Variants in HMGCLL1 observed in about 807,000 individuals in gnomAD.
HMGCLL1 encodes the protein 3-hydroxy-3-methylglutaryl-CoA lyase like 1, also known as 3-hydroxymethyl-3-methylglutaryl-CoA lyase, cytoplasmic.
In HMGCLL1, 36 loss-of-function variants were observed where a neutral mutation model predicts 39.1. That is an observed-to-expected ratio of 0.92 (90% CI 0.71 to 1.22). The LOEUF (loss-of-function observed/expected upper bound fraction) is 1.22, where lower values mean the gene tolerates loss of function less well. HMGCLL1 is among the 50% of genes most tolerant of loss of function. The pLI is 0.00. For synonymous variants in HMGCLL1, 149 were observed against 144.0 expected (o/e 1.03, Z -0.25); for missense variants, 451 against 416.5 (o/e 1.08, Z -0.72).
At chr6:55,459,622 C>T (rs1322390755) in intron 7 of HMGCLL1, among the ~76,000 whole-genome samples, 5 of 151,924 alleles carry the variant, frequency 3.3e-5, no homozygotes, top group East Asian at 1.9e-4. Flanking sequence ...TATTTAATAA[C>T]GATTTATTAA....
rs1052569521 is a variant in HMGCLL1, at chr6:55,556,879, A to G, written c.109-14739T>C. On this transcript the variant is annotated intron_variant, in intron 1 of 8. Transcript: ENST00000274901. ...TGGGCAGGGCAGATGCGTACCTTAC[A>G]TCTTGATTTCTCCTGGAAGTTTGAT... 2.6e-5 allele frequency among the ~76,000 whole-genome samples: 4 copies of G among 152,182 alleles called. No homozygotes were observed. The South Asian group carries it at 8.3e-4, about 32-fold the overall frequency.
chr6:55,435,455 T>C lies in HMGCLL1; in HGVS notation c.*207A>G, dbSNP rs1763331311. On this transcript the variant is annotated 3_prime_UTR_variant, in exon 9 of 9. Transcript: ENST00000274901. ...TTCAAAATTATGACAAGTTTTATTA[T>C]TTATCCTCAGCTTGCAATTTACCTG... is the stretch of plus-strand genomic sequence containing the variant. The C allele has an allele frequency of 5.3e-6, 2 of 376,470 alleles. No individual in the cohort carries two copies. Among genetic ancestry groups the C allele is most frequent in the Non-Finnish European group, 4.7e-6 (1 of 210,550 alleles). The allele number at this position is 376,470 out of a possible 1,614,324, so 23.3% of individuals were successfully genotyped here. A position where few individuals can be genotyped will look rare whatever the true frequency, so the allele number is the denominator to read the frequency against.
chr6:55,605,413 AATG>A, the HMGCLL1 span, among the ~76,000 whole-genome samples: 37,152 of 151,952 alleles, frequency 0.24, 5,361 homozygotes, highest in East Asian at 0.4. Flanking sequence ...CTCAACCTAG[AATG>A]ATATTTCTGC....
At chr6:55,527,313 G>A (rs969528314) in intron 3 of HMGCLL1, among the ~76,000 whole-genome samples, 5 of 151,908 alleles carry the variant, frequency 3.3e-5, no homozygotes, top group Non-Finnish European at 7.4e-5. Flanking sequence ...AGATTTCTTG[G>A]ACATATTGGT....
At chr6:55,575,196 T>C (rs1289012878) in intron 1 of HMGCLL1, among the ~76,000 whole-genome samples, 1 of 152,060 alleles carries the variant, frequency 6.6e-6, no homozygotes, top group Non-Finnish European at 1.5e-5. Context: ...AAGAGATAGC[T>C]TGAATTACAG....
At chr6:55,494,027 C>T (rs1025213979) in intron 7 of HMGCLL1, among the ~76,000 whole-genome samples, 15 of 152,104 alleles carry the variant, frequency 9.9e-5, no homozygotes, top group African/African-American at 3.4e-4. Flanking sequence ...CGTGAGCCAC[C>T]GCGCCTGGCC....
chr6:55,501,706 C>G (rs1168254943), intron 5 of HMGCLL1, among the ~76,000 whole-genome samples: 1 of 151,656 alleles, frequency 6.6e-6, no homozygotes, highest in African/African-American at 2.4e-5. Flanking sequence ...AACCAGAAAC[C>G]TAGTGGATGA....
At chr6:55,584,469 G>A in the HMGCLL1 span, among the ~76,000 whole-genome samples, 2 of 152,078 alleles carry the variant, frequency 1.3e-5, no homozygotes, top group Non-Finnish European at 2.9e-5. Flanking sequence ...TGTATAAAAT[G>A]ACCGCAATAA....
intron 1 of HMGCLL1, among the ~76,000 whole-genome samples, chr6:55,569,686 A>G (rs1331698949): frequency 2.6e-5 from 4 of 152,228 alleles, no homozygotes; most frequent in African/African-American, 7.2e-5. Context: ...TGGTAGCTGT[A>G]TAGCTACAAA....
chr6:55,555,760 G>T (rs1168069694), intron 1 of HMGCLL1, among the ~76,000 whole-genome samples: 1 of 152,160 alleles, frequency 6.6e-6, no homozygotes, highest in Non-Finnish European at 1.5e-5. Context: ...ATCATTATTT[G>T]CATATTAGTT....
At chr6:55,488,042 C>T (rs1191498775) in intron 7 of HMGCLL1, among the ~76,000 whole-genome samples, 2 of 152,012 alleles carry the variant, frequency 1.3e-5, no homozygotes, top group Non-Finnish European at 2.9e-5. Context: ...CATACACACA[C>T]ACATACAAAC....
intron 1 of HMGCLL1, among the ~76,000 whole-genome samples, chr6:55,562,521 C>T (rs1470458022): frequency 6.6e-6 from 1 of 152,100 alleles, no homozygotes. Context: ...TTGCCCTGCC[C>T]TGGAACGGTC....
At chr6:55,675,622 G>C in the HMGCLL1 span, among the ~76,000 whole-genome samples, 2 of 152,208 alleles carry the variant, frequency 1.3e-5, no homozygotes, top group Admixed American at 6.5e-5. Context: ...AAAATAACAA[G>C]TAATAAGTGA....
the HMGCLL1 span, among the ~76,000 whole-genome samples, chr6:55,619,217 T>C: frequency 1.3e-5 from 2 of 152,016 alleles, no homozygotes; most frequent in African/African-American, 2.4e-5. Context: ...AGAACTTTCA[T>C]GTTTGGTCTG....
chr6:55,674,667 A>G, the HMGCLL1 span, among the ~76,000 whole-genome samples: 1 of 151,934 alleles, frequency 6.6e-6, no homozygotes, highest in East Asian at 1.9e-4. Context: ...CAAATGAGGG[A>G]CAATGATAAT....
chr6:55,670,440 G>A, the HMGCLL1 span, among the ~76,000 whole-genome samples: 1 of 151,788 alleles, frequency 6.6e-6, no homozygotes, highest in Non-Finnish European at 1.5e-5. Flanking sequence ...AAACATCTGA[G>A]TTATGTTACA....
the HMGCLL1 span, among the ~76,000 whole-genome samples, chr6:55,624,498 G>A: frequency 4.2e-4 from 64 of 152,124 alleles, no homozygotes; most frequent in Non-Finnish European, 8.5e-4. Flanking sequence ...CCTACCACAG[G>A]GGTATATCAT....
chr6:55,538,688 A>AG (rs1554153621), intron 3 of HMGCLL1, among the ~76,000 whole-genome samples: 1 of 152,038 alleles, frequency 6.6e-6, no homozygotes, highest in South Asian at 2.1e-4. Context: ...TGATTGATTT[A>AG]TTTTTTTTAT....
At chr6:55,473,786 G>A (rs1765156621) in intron 7 of HMGCLL1, among the ~76,000 whole-genome samples, 1 of 151,214 alleles carries the variant, frequency 6.6e-6, no homozygotes, top group East Asian at 1.9e-4. Context: ...TTCTAGTTGG[G>A]CAGATATATT....
Sources: gnomAD v4.1 joint callset for allele counts (sites outside exome capture counted in the v4.1 genomes callset) on GRCh38, gnomAD v4.1.1 for gene constraint, MANE v1.5 for transcripts, NCBI Gene and HGNC (gene_info 2026-07-23, HGNC 2026-07-21) for gene names.